CTNNA2: variants seen among roughly 807,000 people sequenced by gnomAD.
The protein encoded by CTNNA2 is catenin alpha 2.
CTNNA2 carries 42 observed loss-of-function variants against 101.0 expected under a neutral mutation model. The ratio of observed to expected loss-of-function variants is 0.42; its 90% CI spans 0.32 to 0.54. The LOEUF (loss-of-function observed/expected upper bound fraction) is 0.54, where lower values mean the gene tolerates loss of function less well. Among genes scored for constraint, CTNNA2 ranks in the 20% least tolerant of loss-of-function variants. The pLI, the probability that CTNNA2 is intolerant of heterozygous loss-of-function variation, is 0.14. For synonymous variants in CTNNA2, 450 were observed against 456.4 expected (o/e 0.99, Z 0.18); for missense variants, 871 against 1,223.1 (o/e 0.71, Z 4.29).
At chr2:80,344,220 C>CT (rs1406894763) in intron 7 of CTNNA2, among the ~76,000 whole-genome samples, 1 of 152,122 alleles carries the variant, frequency 6.6e-6, no homozygotes, top group South Asian at 2.1e-4. Flanking sequence ...TCATGGATTT[C>CT]TTTTTTTTCA....
At chr2:80,045,927 T>C (rs964731846) in intron 7 of CTNNA2, among the ~76,000 whole-genome samples, 1 of 152,132 alleles carries the variant, frequency 6.6e-6, no homozygotes, top group East Asian at 1.9e-4. Flanking sequence ...GCGGGTTTGA[T>C]TGCCAGTTGT....
chr2:79,965,827 CAAAAAAAAAA>C (rs10686940), intron 7 of CTNNA2, among the ~76,000 whole-genome samples: 3 of 77,996 alleles, frequency 3.8e-5, no homozygotes, highest in African/African-American at 1.6e-4. Flanking sequence ...GAGACTATGT[CAAAAAAAAAA>C]AAAAAAAAAA....
chr2:80,272,157 A>T (rs937221627), intron 7 of CTNNA2, among the ~76,000 whole-genome samples: 4 of 152,244 alleles, frequency 2.6e-5, no homozygotes, highest in Admixed American at 2.0e-4. Flanking sequence ...CCCCTTATAA[A>T]TGTATTATTC....
At chr2:79,669,898 A>C (rs1027435905) in intron 2 of CTNNA2, among the ~76,000 whole-genome samples, 16 of 151,610 alleles carry the variant, frequency 1.1e-4, no homozygotes, top group Admixed American at 2.0e-4. Context: ...AGAAGTCTCC[A>C]CTCCTGTCAG....
intron 7 of CTNNA2, among the ~76,000 whole-genome samples, chr2:80,224,848 T>C (rs1036173758): frequency 2.6e-5 from 4 of 152,068 alleles, no homozygotes; most frequent in Non-Finnish European, 4.4e-5. Context: ...GCTTTTTTTT[T>C]CTTTCCCACA....
In CTNNA2 at chr2:79,878,446, G is replaced by A. The variant is rs181351173; in HGVS notation, c.852+4104G>A. On this transcript the variant is annotated intron_variant, in intron 6 of 18. Transcript: ENST00000402739. ...ACATTCCCACCAACAGTGTAAAAGC[G>A]TACCTGTTTCTCCACAGCCTTGCTA... Among the ~76,000 whole-genome samples the A allele has an allele frequency of 3.2e-3, 484 of 152,228 alleles. 2 individuals are homozygous for A. The highest frequency in any genetic ancestry group is 5.9e-3 in the Non-Finnish European group (399 of 68,008).
At chr2:80,342,183 TAG>T (rs1363785205) in intron 7 of CTNNA2, among the ~76,000 whole-genome samples, 1 of 152,210 alleles carries the variant, frequency 6.6e-6, no homozygotes, top group East Asian at 1.9e-4. Flanking sequence ...TGTCTACATG[TAG>T]AGAGTGCTGA....
chr2:80,052,880 G>A (rs542572406), intron 7 of CTNNA2, among the ~76,000 whole-genome samples: 2 of 152,308 alleles, frequency 1.3e-5, no homozygotes, highest in African/African-American at 4.8e-5. Context: ...AGATGGGAGA[G>A]AGGATCTATA....
At chr2:79,630,072 G>A (rs1679585246) in intron 1 of CTNNA2, among the ~76,000 whole-genome samples, 1 of 152,188 alleles carries the variant, frequency 6.6e-6, no homozygotes, top group African/African-American at 2.4e-5. Flanking sequence ...CATGCTGAAA[G>A]TATTCAGATT....
chr2:80,406,960 A>AAC (rs1269072197), intron 8 of CTNNA2, among the ~76,000 whole-genome samples: 1 of 152,096 alleles, frequency 6.6e-6, no homozygotes, highest in Admixed American at 6.6e-5. Context: ...CGGTCTGTGG[A>AAC]AGTACCCTTG....
intron 7 of CTNNA2, chr2:80,305,319 AAAAG>A: frequency 2.0e-6 from 2 of 985,396 alleles, no homozygotes; most frequent in Non-Finnish European, 2.4e-6. Context: ...CAGTGTGGCA[AAAAG>A]GTATGTCTGT....
chr2:79,887,365 T>C (rs1471078830), intron 6 of CTNNA2, among the ~76,000 whole-genome samples: 2 of 152,226 alleles, frequency 1.3e-5, no homozygotes, highest in African/African-American at 4.8e-5. Flanking sequence ...TATTGTCATG[T>C]AAGCTTTAGC....
chr2:79,611,576 A>C (rs10206145), intron 1 of CTNNA2, among the ~76,000 whole-genome samples: 1 of 152,152 alleles, frequency 6.6e-6, no homozygotes, highest in African/African-American at 2.4e-5. Context: ...TGCTGCTTTT[A>C]AGTCTGAGGA....
intron 3 of CTNNA2, among the ~76,000 whole-genome samples, chr2:79,329,902 T>C (rs1676832196): frequency 6.6e-6 from 1 of 152,168 alleles, no homozygotes. Flanking sequence ...GTGCTTCCAT[T>C]CTAGCAAAGT....
chr2:79,789,378 A>G (rs1675094113), intron 3 of CTNNA2, among the ~76,000 whole-genome samples: 1 of 152,216 alleles, frequency 6.6e-6, no homozygotes, highest in Admixed American at 6.5e-5. Context: ...ATGGCAACAG[A>G]TGAGGCTTGC....
intron 9 of CTNNA2, among the ~76,000 whole-genome samples, chr2:80,524,291 T>A (rs1689836738): frequency 6.6e-6 from 1 of 152,146 alleles, no homozygotes; most frequent in Non-Finnish European, 1.5e-5. Flanking sequence ...ATCTTGTATA[T>A]CCTCCTCCAC....
intron 1 of CTNNA2, among the ~76,000 whole-genome samples, chr2:79,576,621 G>T (rs1327338409): frequency 6.6e-6 from 1 of 152,100 alleles, no homozygotes; most frequent in Non-Finnish European, 1.5e-5. Context: ...TATGGGGCGT[G>T]TGGGGTGTGT....
chr2:79,552,260 C>A (rs993046854), intron 1 of CTNNA2, among the ~76,000 whole-genome samples: 8 of 152,160 alleles, frequency 5.3e-5, no homozygotes, highest in African/African-American at 1.4e-4. Context: ...TCCAGCAGGA[C>A]AATCATTAAA....
At chr2:80,033,248 A>G (rs568042301) in intron 7 of CTNNA2, among the ~76,000 whole-genome samples, 37 of 152,060 alleles carry the variant, frequency 2.4e-4, no homozygotes, top group African/African-American at 8.4e-4. Flanking sequence ...GTCAATTTCT[A>G]TATGTAAAAT....
Sources: gnomAD v4.1 joint callset for allele counts (sites outside exome capture counted in the v4.1 genomes callset) on GRCh38, gnomAD v4.1.1 for gene constraint, MANE v1.5 for transcripts, NCBI Gene and HGNC (gene_info 2026-07-23, HGNC 2026-07-21) for gene names.